The following EFTUD2 variants were observed in gnomAD, a reference collection of about 807,000 sequenced individuals.
EFTUD2 encodes the protein 116 kDa U5 small nuclear ribonucleoprotein component.
In EFTUD2, 9 loss-of-function variants were observed where a neutral mutation model predicts 114.3. The ratio of observed to expected loss-of-function variants is 0.08; its 90% CI spans 0.05 to 0.14. The LOEUF (loss-of-function observed/expected upper bound fraction) is 0.14, where lower values mean the gene tolerates loss of function less well. EFTUD2 is among the 10% of genes least tolerant of loss of function. The pLI is 1.00. For missense variants in EFTUD2, 765 were observed against 1,241.2 expected, an observed-to-expected ratio of 0.62 and a Z score of 5.76; for synonymous variants, 449 against 462.3, an observed-to-expected ratio of 0.97 and a Z score of 0.37.
chr17:44,874,678 G>A (rs990135417), intron 10 of EFTUD2, among the ~76,000 whole-genome samples: 3 of 152,196 alleles, frequency 2.0e-5, no homozygotes, highest in Admixed American at 6.5e-5. Context: ...TGTTTCAAAG[G>A]CCCTTTGATA....
intron 14 of EFTUD2, 56 bp from the exon 15 acceptor site, chr17:44,863,838 G>A (rs2145474506): frequency 6.3e-7 from 1 of 1,599,682 alleles, no homozygotes; most frequent in Non-Finnish European, 8.5e-7. Context: ...AGCACGAGCA[G>A]GAGTTACTGA....
chr17:44,856,508 C>T (rs548648132), intron 20 of EFTUD2, among the ~76,000 whole-genome samples: 9 of 149,660 alleles, frequency 6.0e-5, no homozygotes, highest in Admixed American at 3.4e-4. Context: ...CCAGCCTGGG[C>T]GACAGAGCGA....
At chr17:44,883,756 A>G (rs1224884332) in intron 4 of EFTUD2, 32 bp from the exon 5 acceptor site, 1 of 1,609,312 alleles carries the variant, frequency 6.2e-7, no homozygotes, top group Non-Finnish European at 8.5e-7. Flanking sequence ...GAAAAGAGAG[A>G]TTGGCAAACG....
chr17:44,850,221 A>C lies in EFTUD2; in HGVS notation c.*1053T>G. On this transcript the variant is annotated 3_prime_UTR_variant, in exon 28 of 28. Coordinates refer to ENST00000426333, the MANE Select transcript of EFTUD2 (RefSeq NM_004247.4). ...GACCTGGGGCAGAAAGATGAGCGGG[A>C]AGCTGGACTCTCAAGGGAGCAGCTA... The C allele has an allele frequency of 1.3e-6, 1 of 740,742 alleles. No individual in the cohort carries two copies. The highest frequency in any genetic ancestry group is 2.2e-6 in the Non-Finnish European group (1 of 446,114). The allele number at this position is 740,742 out of a possible 1,614,324, so 45.9% of individuals were successfully genotyped here. A position where few individuals can be genotyped will look rare whatever the true frequency, so the allele number is the denominator to read the frequency against.
intron 2 of EFTUD2, among the ~76,000 whole-genome samples, chr17:44,893,119 C>CA (rs909499162): frequency 8.8e-5 from 13 of 147,184 alleles, no homozygotes; most frequent in African/African-American, 3.3e-4. Context: ...ACTCAACAGT[C>CA]ATTTTTTTTT....
rs2289673 is a variant in EFTUD2, at chr17:44,852,602, T to C, written c.2562-40A>G. On this transcript the variant is annotated intron_variant, in intron 25 of 27. Transcript: ENST00000426333. The stretch of plus-strand genomic sequence containing the variant: ...CAAAGGCTGAGCCTCTAGTCAAACA[T>C]AGGCCAAAAGCCAAGAAGCAATCCA... 1,021,756 of 1,607,620 alleles carry C rather than the reference T, an allele frequency of 0.64. 326,989 individuals are homozygous for C. The highest frequency in any genetic ancestry group is 0.82 in the African/African-American group (61,423 of 74,740).
Position 44,861,568 on chromosome 17 carries a change from TA to T in EFTUD2, c.1608-1026del, listed in dbSNP as rs1172483786. On this transcript the variant is annotated intron_variant, in intron 16 of 27. Transcript: ENST00000426333. ...CTAATACGGTGAAACCTGTCTCTACTAAAAATACAAAAAAATTAGCTGGGCA... is the reference window on the plus strand; with the variant it reads ...CTAATACGGTGAAACCTGTCTCTACTAAAATACAAAAAAATTAGCTGGGCA... Among the ~76,000 whole-genome samples, 3 of 151,194 alleles carry T rather than the reference TA, an allele frequency of 2.0e-5. No individual in the cohort carries two copies. In the East Asian group the frequency reaches 5.8e-4, roughly 29 times the overall value.
At chr17:44,896,602 G>A (rs183226858) in intron 1 of EFTUD2, among the ~76,000 whole-genome samples, 56 of 152,180 alleles carry the variant, frequency 3.7e-4, no homozygotes, top group Non-Finnish European at 1.6e-4. Flanking sequence ...AGCTGAGATC[G>A]CACCACTGCA....
At chr17:44,881,547 G>C (rs761206601) in intron 7 of EFTUD2, 140 bp downstream of exon 7, 33 of 890,606 alleles carry the variant, frequency 3.7e-5, no homozygotes, top group Non-Finnish European at 5.7e-5. Context: ...GGGGAAGAAG[G>C]AGATGGGATG....
intron 10 of EFTUD2, among the ~76,000 whole-genome samples, chr17:44,873,893 G>T (rs926611772): frequency 6.6e-6 from 1 of 151,300 alleles, no homozygotes; most frequent in African/African-American, 2.4e-5. Flanking sequence ...CACCAAGCCC[G>T]GCTAATTTTT....
At chr17:44,858,979 A>G (rs2050607071) in intron 19 of EFTUD2, 101 bp downstream of exon 19, 7 of 811,198 alleles carry the variant, frequency 8.6e-6, no homozygotes, top group Middle Eastern at 2.2e-4. Flanking sequence ...TCACAAACAC[A>G]TGTACTCTCT....
chr17:44,854,074 T>C lies in EFTUD2; in HGVS notation c.2347+195A>G. On this transcript the variant is annotated intron_variant, in intron 23 of 27. Transcript: ENST00000426333. This position sits in a 1 kb window ranked among gnomAD's most constrained non-coding sequence, Gnocchi z 4.3. ...GAGCAAATGACAGTTTAGAAATGACTTAAATTTCCATTTCCAGGCTACACC... is the reference window on the plus strand; with the variant it reads ...GAGCAAATGACAGTTTAGAAATGACCTAAATTTCCATTTCCAGGCTACACC... The C allele has an allele frequency of 7.1e-7, 1 of 1,410,748 alleles. No individual in the cohort carries two copies. Among genetic ancestry groups the C allele is most frequent in the African/African-American group, 1.4e-5 (1 of 69,598 alleles). 87.4% of individuals were successfully genotyped at this position (1,410,748 alleles called of 1,614,324 possible).
At chr17:44,862,366 C>T (rs1049031626) in intron 16 of EFTUD2, among the ~76,000 whole-genome samples, 3 of 152,022 alleles carry the variant, frequency 2.0e-5, no homozygotes, top group Admixed American at 6.6e-5. Context: ...GCCCAGGAGG[C>T]GGAGGTCGCA....
chr17:44,892,629 AC>A (rs2051299867), intron 2 of EFTUD2, among the ~76,000 whole-genome samples: 1 of 145,686 alleles, frequency 6.9e-6, no homozygotes, highest in Non-Finnish European at 1.5e-5. Context: ...ACACTGTAAA[AC>A]CTTTTTTTTT....
intron 10 of EFTUD2, among the ~76,000 whole-genome samples, chr17:44,874,420 T>C (rs985675360): frequency 5.9e-5 from 9 of 152,196 alleles, no homozygotes; most frequent in Admixed American, 3.9e-4. Flanking sequence ...TTCTCAGTCC[T>C]TGCAGAGATG....
At chr17:44,890,396 T>A (rs1207115284) in intron 2 of EFTUD2, among the ~76,000 whole-genome samples, 3 of 147,778 alleles carry the variant, frequency 2.0e-5, no homozygotes, top group Non-Finnish European at 4.5e-5. Flanking sequence ...TCAATATAAT[T>A]AAAAAAAAAA....
Position 44,881,674 on chromosome 17 carries a change from A to T in EFTUD2, c.528+13T>A. The stretch of plus-strand genomic sequence containing the variant: ...GGTGTAGGTGACAATCAGATTCCCC[A>T]AGGCATGCTTACCTCTTGCTCTGTG... On this transcript the variant is annotated intron_variant, in intron 7 of 27. Coordinates refer to ENST00000426333, the MANE Select transcript of EFTUD2 (RefSeq NM_004247.4). The T allele has an allele frequency of 6.2e-7, 1 of 1,614,142 alleles. No homozygotes were observed.
chr17:44,875,238 T>A (rs879388461), intron 10 of EFTUD2, among the ~76,000 whole-genome samples: 53 of 151,460 alleles, frequency 3.5e-4, no homozygotes, highest in Non-Finnish European at 6.8e-4. Context: ...AAATTAAAAT[T>A]AAAAAAAATT....
intron 12 of EFTUD2, 97 bp downstream of exon 12, chr17:44,868,190 G>A: frequency 3.3e-6 from 3 of 922,592 alleles, no homozygotes; most frequent in Non-Finnish European, 3.1e-6. Flanking sequence ...AAAAAAAAAA[G>A]TAGGTATTTA....
Sources: gnomAD v4.1 joint callset for allele counts (sites outside exome capture counted in the v4.1 genomes callset) on GRCh38, gnomAD v4.1.1 for gene constraint, Gnocchi (gnomAD v3.1) non-coding constraint, MANE v1.5 for transcripts, NCBI Gene and HGNC (gene_info 2026-07-23, HGNC 2026-07-21) for gene names.